Variants in GRIK4 observed in about 807,000 individuals in gnomAD.
GRIK4 encodes the protein glutamate receptor ionotropic, kainate 4.
Under a neutral mutation model 104.9 loss-of-function variants are expected in GRIK4, and 40 were observed. The ratio of observed to expected loss-of-function variants is 0.38; its 90% confidence interval spans 0.30 to 0.50. The LOEUF is 0.50. Among genes scored for constraint, GRIK4 ranks in the 20% least tolerant of loss-of-function variants. The pLI, the probability that GRIK4 is intolerant of heterozygous loss-of-function variation, is 0.93. For missense variants in GRIK4, 1,047 were observed against 1,308.1 expected (o/e 0.80, Z 3.08); for synonymous variants, 485 against 524.9 (o/e 0.92, Z 1.04).
At chr11:120,798,157 C>CTTTTTTTTTTTTTTTTTT (rs539833846) in intron 3 of GRIK4, among the ~76,000 whole-genome samples, 1 of 68,086 alleles carries the variant, frequency 1.5e-5, no homozygotes, top group Non-Finnish European at 2.8e-5. Context: ...TCTGCTGTCT[C>CTTTTTTTTTTTTTTTTTT]TTTTTTTTTT....
chr11:120,723,053 C>T (rs1334654605), intron 3 of GRIK4, among the ~76,000 whole-genome samples: 1 of 152,202 alleles, frequency 6.6e-6, no homozygotes, highest in Non-Finnish European at 1.5e-5. Context: ...TATCTCTATT[C>T]TCCCCATTTT....
At position 120,902,654 on chromosome 11, in the gene GRIK4, C is replaced by T. The variant is rs1251424216; in HGVS notation, c.1273-2636C>T. Among the ~76,000 whole-genome samples, 2 of 152,194 alleles carry T rather than the reference C, an allele frequency of 1.3e-5. No individual in the cohort carries two copies. The highest frequency in any genetic ancestry group is 2.9e-5 in the Non-Finnish European group (2 of 68,030). On this transcript the variant is annotated intron_variant, in intron 12 of 20. Coordinates refer to ENST00000527524, the MANE Select transcript of GRIK4 (RefSeq NM_014619.5). The surrounding 1 kb of genome is among the most constrained non-coding windows in gnomAD (Gnocchi z 4.5). Reference sequence around the variant, plus strand: ...GGTGACGAGTCTGTCCCAGGACCCACTCCCATTCTACCTAGAGCAGGCGCA... The same window carrying T: ...GGTGACGAGTCTGTCCCAGGACCCATTCCCATTCTACCTAGAGCAGGCGCA...
intron 18 of GRIK4, among the ~76,000 whole-genome samples, chr11:120,965,644 T>C (rs1023188525): frequency 2.0e-5 from 3 of 152,226 alleles, no homozygotes; most frequent in African/African-American, 7.2e-5. Flanking sequence ...GGGAAGGTTC[T>C]ACTGTGGAGC....
At chr11:120,731,259 GTT>G (rs1304589343) in intron 3 of GRIK4, among the ~76,000 whole-genome samples, 1 of 142,960 alleles carries the variant, frequency 7.0e-6, no homozygotes, top group Non-Finnish European at 1.5e-5. Flanking sequence ...TTTTTTTTTA[GTT>G]TTTTTTTTTT....
intron 4 of GRIK4, among the ~76,000 whole-genome samples, chr11:120,808,675 G>A (rs776218639): frequency 2.0e-5 from 3 of 152,316 alleles, no homozygotes; most frequent in East Asian, 1.9e-4. Context: ...AATGGAATGC[G>A]TTCCTGACAG....
intron 1 of GRIK4, among the ~76,000 whole-genome samples, chr11:120,636,682 A>G (rs1949400687): frequency 6.6e-6 from 1 of 152,128 alleles, no homozygotes; most frequent in Admixed American, 6.5e-5. Flanking sequence ...TCCACTAAAA[A>G]TACAAAAATT....
chr11:120,848,781 C>T (rs1395444091), intron 8 of GRIK4, among the ~76,000 whole-genome samples: 1 of 152,166 alleles, frequency 6.6e-6, no homozygotes, highest in African/African-American at 2.4e-5. Context: ...TTATCCCACC[C>T]AGAGCTAGGG....
At chr11:120,971,370 T>G (rs971902494) in intron 19 of GRIK4, among the ~76,000 whole-genome samples, 1 of 152,204 alleles carries the variant, frequency 6.6e-6, no homozygotes, top group Non-Finnish European at 1.5e-5. Flanking sequence ...AATGAATAGA[T>G]AAATGAACAA....
chr11:120,837,801 A>G (rs1953612990), intron 8 of GRIK4, among the ~76,000 whole-genome samples: 1 of 152,176 alleles, frequency 6.6e-6, no homozygotes, highest in South Asian at 2.1e-4. Flanking sequence ...GTAAGGAGGC[A>G]TCTGGGGGAG....
rs1306399650 is a variant in GRIK4 at position 120,513,826 on chromosome 11, GT to G, written c.-159+1944del. On this transcript the variant is annotated intron_variant, in intron 1 of 20. Coordinates refer to ENST00000527524, the MANE Select transcript of GRIK4 (RefSeq NM_014619.5). The surrounding 1 kb of genome is among the most constrained non-coding windows in gnomAD (Gnocchi z 4.5). The stretch of plus-strand genomic sequence containing the variant: ...TTGAGAGGGGATCTTGGTTTTCTGT[GT>G]TTTTCCCATCCCCCTACCTGGGCAT... Among the ~76,000 whole-genome samples, 2 of 152,148 alleles carry G rather than the reference GT, an allele frequency of 1.3e-5. No individual in the cohort carries two copies. Among genetic ancestry groups the G allele is most frequent in the African/African-American group, 4.8e-5 (2 of 41,426 alleles).
chr11:120,574,177 G>C (rs562028343), intron 1 of GRIK4, among the ~76,000 whole-genome samples: 164 of 152,322 alleles, frequency 1.1e-3, no homozygotes, highest in African/African-American at 3.6e-3. Context: ...GTGGGGCTCT[G>C]TCATGCTGGT....
At chr11:120,906,892 G>A (rs1316067843) in intron 13 of GRIK4, among the ~76,000 whole-genome samples, 1 of 152,206 alleles carries the variant, frequency 6.6e-6, no homozygotes, top group Non-Finnish European at 1.5e-5. Flanking sequence ...TCAGAAGGGA[G>A]GCCTTGCCTT....
At position 120,897,601 on chromosome 11, in the gene GRIK4, CAAAAAAAAA is replaced by C. The variant is rs56807699; in HGVS notation, c.1165-913_1165-905del. 1.7e-3 allele frequency among the ~76,000 whole-genome samples: 22 copies of C among 13,066 alleles called. 1 individual carries two copies. Among genetic ancestry groups the C allele is most frequent in the Admixed American group, 3.1e-3 (2 of 644 alleles). 8.6% of individuals were successfully genotyped at this position (13,066 alleles called of 152,430 possible). A position where few individuals can be genotyped will look rare whatever the true frequency, so the allele number is the denominator to read the frequency against. ...TGGGTGACAGAACAAGACTCCTTCT[CAAAAAAAAA>C]AAAAAAAAAAAAAAAAAGAGTACAT... On this transcript the variant is annotated intron_variant, in intron 11 of 20. Coordinates refer to ENST00000527524, the MANE Select transcript of GRIK4 (RefSeq NM_014619.5).
rs959966835 is a variant in GRIK4 at position 120,932,803 on chromosome 11, G to A, written c.1477-7544G>A. ...GGAGATGTGAAGCCTGACTTGTAAA[G>A]TTGTAGAAAGCTGCTGGCATGTAGA... On this transcript the variant is annotated intron_variant, in intron 13 of 20. Transcript: ENST00000527524. Among the ~76,000 whole-genome samples the A allele has an allele frequency of 2.0e-5, 3 of 152,332 alleles. No homozygotes were observed. In the East Asian group the frequency reaches 5.8e-4, roughly 29 times the overall value.
Position 120,622,191 on chromosome 11 carries a change from G to A in GRIK4, c.-158-31494G>A, listed in dbSNP as rs114001290. On this transcript the variant is annotated intron_variant, in intron 1 of 20. Coordinates refer to ENST00000527524, the MANE Select transcript of GRIK4 (RefSeq NM_014619.5). Reference sequence around the variant, plus strand: ...GCTGGGATTACAGGCGTGAAGCACCGCCCCCGGCCTTATTATTATTTTTAA... The same window carrying A: ...GCTGGGATTACAGGCGTGAAGCACCACCCCCGGCCTTATTATTATTTTTAA... 7.7e-3 allele frequency among the ~76,000 whole-genome samples: 1,173 copies of A among 151,494 alleles called. 11 individuals carry two copies. The highest frequency in any genetic ancestry group is 0.027 in the African/African-American group (1,099 of 40,854).
At chr11:120,623,942 T>C (rs117739741) in intron 1 of GRIK4, among the ~76,000 whole-genome samples, 4,762 of 134,842 alleles carry the variant, frequency 0.035, 105 homozygotes, top group Middle Eastern at 0.075. Context: ...CCTCCTCCTC[T>C]TCCCCCTTAC....
intron 16 of GRIK4, among the ~76,000 whole-genome samples, chr11:120,957,627 A>G (rs1944191723): frequency 4.7e-5 from 1 of 21,320 alleles, no homozygotes. Context: ...GTGTGTGTGT[A>G]GCCTAGAGAG....
At chr11:120,928,048 C>T (rs764142952) in intron 13 of GRIK4, among the ~76,000 whole-genome samples, 1 of 151,718 alleles carries the variant, frequency 6.6e-6, no homozygotes, top group Non-Finnish European at 1.5e-5. Context: ...AACCGTGTTT[C>T]TACTAAACAT....
intron 3 of GRIK4, among the ~76,000 whole-genome samples, chr11:120,739,596 G>T (rs1951290754): frequency 2.0e-5 from 3 of 152,174 alleles, no homozygotes; most frequent in Admixed American, 6.5e-5. Context: ...ACTGCTTCTA[G>T]AACTTTCTCT....
Sources: allele counts gnomAD v4.1 joint callset (sites outside exome capture counted in the v4.1 genomes callset), GRCh38; gene constraint gnomAD v4.1.1; non-coding constraint Gnocchi (gnomAD v3.1); transcripts MANE v1.5; gene names NCBI Gene and HGNC (gene_info 2026-07-23, HGNC 2026-07-21).